The following FAM107B variants were observed in gnomAD, a reference collection of about 807,000 sequenced individuals.
The protein encoded by FAM107B is protein FAM107B.
Under a neutral mutation model 31.5 loss-of-function variants are expected in FAM107B, and 21 were observed. The observed-to-expected ratio is 0.67, with a 90% CI of 0.47 to 0.96. The LOEUF is 0.96. Among genes scored for constraint, FAM107B ranks in the 40% least tolerant of loss-of-function variants. The pLI is 0.00. For missense variants in FAM107B, 452 were observed against 377.1 expected (o/e 1.20, Z -1.64); for synonymous variants, 157 against 141.5 (o/e 1.11, Z -0.78).
chr10:14,596,835 T>C (rs950582912), intron 2 of FAM107B, among the ~76,000 whole-genome samples: 1 of 152,136 alleles, frequency 6.6e-6, no homozygotes, highest in Non-Finnish European at 1.5e-5. Flanking sequence ...TTCCAGAGCA[T>C]TCCCTAGAAG....
At chr10:14,685,707 C>G (rs538322993) in intron 1 of FAM107B, among the ~76,000 whole-genome samples, 1 of 152,196 alleles carries the variant, frequency 6.6e-6, no homozygotes, top group Admixed American at 6.5e-5. Context: ...ATACTTGGAG[C>G]GTTTGTAAGA....
intron 1 of FAM107B, among the ~76,000 whole-genome samples, chr10:14,763,795 C>T (rs188568020): frequency 1.3e-5 from 2 of 152,334 alleles, no homozygotes; most frequent in East Asian, 1.9e-4. Flanking sequence ...AAAAGGAAAA[C>T]GATTTCCAGA....
At chr10:14,657,918 C>A (rs1854110272) in intron 2 of FAM107B, among the ~76,000 whole-genome samples, 1 of 151,996 alleles carries the variant, frequency 6.6e-6, no homozygotes, top group African/African-American at 2.4e-5. Flanking sequence ...TCAAGAGATC[C>A]TCCCACCTCA....
intron 1 of FAM107B, among the ~76,000 whole-genome samples, chr10:14,678,546 A>G (rs1172405845): frequency 1.3e-5 from 2 of 152,240 alleles, no homozygotes; most frequent in East Asian, 3.8e-4. Context: ...CAAAGAGGAC[A>G]GATGGATTAC....
intron 1 of FAM107B, among the ~76,000 whole-genome samples, chr10:14,743,394 G>A (rs140486746): frequency 1.3e-5 from 2 of 152,154 alleles, no homozygotes; most frequent in East Asian, 3.9e-4. Flanking sequence ...TCGTTGCAAT[G>A]GCTTTTGATG....
At chr10:14,604,446 A>AG (rs1043093320) in intron 2 of FAM107B, 3 of 158,362 alleles carry the variant, frequency 1.9e-5, no homozygotes, top group Admixed American at 6.6e-5. Flanking sequence ...CGGGGCGGGG[A>AG]GGGGCGGGGC....
chr10:14,702,841 C>T (rs369503339), intron 1 of FAM107B, among the ~76,000 whole-genome samples: 1 of 152,168 alleles, frequency 6.6e-6, no homozygotes, highest in African/African-American at 2.4e-5. Flanking sequence ...GGCTTCTCCC[C>T]TACCTACAGA....
intron 2 of FAM107B, among the ~76,000 whole-genome samples, chr10:14,592,113 C>T (rs1455079396): frequency 6.6e-6 from 1 of 152,186 alleles, no homozygotes; most frequent in East Asian, 1.9e-4. Flanking sequence ...CAGCAGATCC[C>T]TGGGCTTCCC....
At chr10:14,696,905 T>G (rs1028345467) in intron 1 of FAM107B, among the ~76,000 whole-genome samples, 1 of 152,142 alleles carries the variant, frequency 6.6e-6, no homozygotes, top group Non-Finnish European at 1.5e-5. Flanking sequence ...TTAGCATCTC[T>G]GAAAAGTGTC....
intron 3 of FAM107B, among the ~76,000 whole-genome samples, chr10:14,527,645 C>T (rs1272767422): frequency 6.6e-6 from 1 of 152,248 alleles, no homozygotes; most frequent in Non-Finnish European, 1.5e-5. Flanking sequence ...GAAGATAACA[C>T]ACACTGGGCT....
intron 2 of FAM107B, among the ~76,000 whole-genome samples, chr10:14,541,438 C>A (rs1848189136): frequency 6.6e-6 from 1 of 152,174 alleles, no homozygotes; most frequent in Non-Finnish European, 1.5e-5. Context: ...CAAGCCCGTG[C>A]ACGTTCCCAT....
At chr10:14,522,315 C>T (rs1319421648) in intron 3 of FAM107B, 2 of 299,358 alleles carry the variant, frequency 6.7e-6, no homozygotes, top group Admixed American at 4.8e-5. Flanking sequence ...TGGGGATGTG[C>T]GTACGATGAC....
intron 1 of FAM107B, among the ~76,000 whole-genome samples, chr10:14,767,118 A>T (rs1345222996): frequency 2.2e-5 from 3 of 134,462 alleles, no homozygotes; most frequent in African/African-American, 8.5e-5. Flanking sequence ...AGAGAGAGAG[A>T]GAGTTTCCCT....
chr10:14,773,999 C>T (rs1303595438), intron 1 of FAM107B, among the ~76,000 whole-genome samples: 2 of 152,140 alleles, frequency 1.3e-5, no homozygotes, highest in Non-Finnish European at 2.9e-5. Context: ...CTAAGGCACC[C>T]TAGCCCGTTA....
intron 2 of FAM107B, among the ~76,000 whole-genome samples, chr10:14,580,885 C>G (rs1292271450): frequency 6.6e-6 from 1 of 152,198 alleles, no homozygotes; most frequent in Admixed American, 6.5e-5. Context: ...GAGATCATTT[C>G]CTTCTGTTGG....
intron 1 of FAM107B, among the ~76,000 whole-genome samples, chr10:14,687,207 T>A (rs1341520898): frequency 6.6e-6 from 1 of 152,240 alleles, no homozygotes; most frequent in East Asian, 1.9e-4. Context: ...AGGAGACACA[T>A]GTTCCCGTAC....
intron 2 of FAM107B, among the ~76,000 whole-genome samples, chr10:14,547,333 G>A (rs1033329103): frequency 6.6e-6 from 1 of 152,104 alleles, no homozygotes. Flanking sequence ...CTCTGGGTTT[G>A]TTTCCTTACT....
intron 1 of FAM107B, among the ~76,000 whole-genome samples, chr10:14,721,384 T>C (rs1325546752): frequency 6.6e-6 from 1 of 152,216 alleles, no homozygotes; most frequent in African/African-American, 2.4e-5. Context: ...CTGGGTCAAA[T>C]GGTATTTCTA....
At chr10:14,764,311 G>A (rs917943648) in intron 1 of FAM107B, among the ~76,000 whole-genome samples, 9 of 152,126 alleles carry the variant, frequency 5.9e-5, no homozygotes, top group African/African-American at 1.2e-4. Context: ...GACTGTGCAC[G>A]TAACTCATTT....
Sources: allele counts gnomAD v4.1 joint callset (sites outside exome capture counted in the v4.1 genomes callset), GRCh38; gene constraint gnomAD v4.1.1; transcripts MANE v1.5; gene names NCBI Gene and HGNC (gene_info 2026-07-23, HGNC 2026-07-21).